Variants in GABBR2 observed in about 807,000 individuals in gnomAD.
GABBR2 encodes G-protein coupled receptor 51.
GABBR2 carries 23 observed loss-of-function variants against 105.6 expected under a neutral mutation model. The observed-to-expected ratio is 0.22, with a 90% CI of 0.16 to 0.31. The LOEUF (loss-of-function observed/expected upper bound fraction) is 0.31. Among genes scored for constraint, GABBR2 ranks in the 10% least tolerant of loss-of-function variants. GABBR2 has a pLI of 1.00. For synonymous variants in GABBR2, 478 were observed against 499.7 expected, an observed-to-expected ratio of 0.96 and a Z score of 0.58; for missense variants, 734 against 1,245.5, an observed-to-expected ratio of 0.59 and a Z score of 6.18.
intron 4 of GABBR2, among the ~76,000 whole-genome samples, chr9:98,484,262 C>T (rs1407961101): frequency 6.6e-6 from 1 of 152,218 alleles, no homozygotes; most frequent in South Asian, 2.1e-4. Context: ...GTTCAGTGCT[C>T]CCAGGCTGTT....
chr9:98,449,599 C>T lies in GABBR2; in HGVS notation c.1236+4382G>A, dbSNP rs1482743769. On this transcript the variant is annotated intron_variant, in intron 7 of 18. Transcript: ENST00000259455. ...GGGAACCTGCATTTTAAATGAAGCG[C>T]CCTGGAAGATTCTCATGCCTTTAGA... 2.0e-5 allele frequency among the ~76,000 whole-genome samples: 3 copies of T among 152,156 alleles called. No individual in the cohort carries two copies. In the East Asian group the frequency reaches 5.8e-4, roughly 29 times the overall value.
chr9:98,398,987 G>C (rs558567535), intron 8 of GABBR2, among the ~76,000 whole-genome samples: 1 of 152,158 alleles, frequency 6.6e-6, no homozygotes, highest in Non-Finnish European at 1.5e-5. Context: ...AGGGGACCCA[G>C]GTCATATGCA....
intron 6 of GABBR2, among the ~76,000 whole-genome samples, chr9:98,465,297 A>G (rs1564080169): frequency 6.6e-6 from 1 of 152,184 alleles, no homozygotes. Flanking sequence ...GGACTTTTCA[A>G]TAAATGATGT....
chr9:98,317,166 A>G (rs1193268048), intron 13 of GABBR2, among the ~76,000 whole-genome samples: 1 of 152,196 alleles, frequency 6.6e-6, no homozygotes, highest in African/African-American at 2.4e-5. Flanking sequence ...AGGCTGATAA[A>G]ATGCTCTTTC....
intron 1 of GABBR2, among the ~76,000 whole-genome samples, chr9:98,590,066 C>T (rs1198730711): frequency 1.3e-5 from 2 of 152,166 alleles, no homozygotes; most frequent in African/African-American, 4.8e-5. Context: ...CCCCCTTTGC[C>T]TATCAAAGAG....
chr9:98,323,205 C>T (rs1830856034), intron 13 of GABBR2, among the ~76,000 whole-genome samples: 1 of 152,214 alleles, frequency 6.6e-6, no homozygotes, highest in Admixed American at 6.5e-5. Flanking sequence ...CAACAGTGTG[C>T]CCTGGTCATG....
intron 2 of GABBR2, among the ~76,000 whole-genome samples, chr9:98,566,827 C>T (rs1461643392): frequency 2.4e-5 from 3 of 125,300 alleles, no homozygotes; most frequent in Non-Finnish European, 5.0e-5. Context: ...AAAAAGGCGA[C>T]AAAGAAAAAG....
At chr9:98,343,694 C>T (rs933302582) in intron 13 of GABBR2, among the ~76,000 whole-genome samples, 28 of 151,906 alleles carry the variant, frequency 1.8e-4, no homozygotes, top group East Asian at 7.8e-4. Context: ...CCCTTGTCTA[C>T]CAAAAATACA....
chr9:98,318,865 G>T (rs1830767608), intron 13 of GABBR2, among the ~76,000 whole-genome samples: 1 of 151,818 alleles, frequency 6.6e-6, no homozygotes, highest in South Asian at 2.1e-4. Context: ...CTGGGGGTGA[G>T]TGTAGGTGTG....
At chr9:98,464,208 C>T (rs1264911849) in intron 6 of GABBR2, among the ~76,000 whole-genome samples, 2 of 151,706 alleles carry the variant, frequency 1.3e-5, no homozygotes, top group Non-Finnish European at 2.9e-5. Flanking sequence ...TACCTGGCCA[C>T]CCATCATCTG....
intron 13 of GABBR2, among the ~76,000 whole-genome samples, chr9:98,332,588 G>A (rs1004274502): frequency 1.3e-5 from 2 of 152,194 alleles, no homozygotes; most frequent in Non-Finnish European, 2.9e-5. Context: ...TACAGATGCC[G>A]CACTGTTCCT....
intron 2 of GABBR2, among the ~76,000 whole-genome samples, chr9:98,558,106 A>G (rs929351125): frequency 2.6e-5 from 4 of 152,232 alleles, no homozygotes; most frequent in African/African-American, 9.6e-5. Context: ...GAGGGTAGCT[A>G]TCTTAAGAGA....
intron 3 of GABBR2, among the ~76,000 whole-genome samples, chr9:98,496,860 A>G (rs774903007): frequency 1.4e-4 from 22 of 152,330 alleles, no homozygotes; most frequent in Middle Eastern, 3.4e-3. Flanking sequence ...TGTCTTTGTT[A>G]ATATTTTGCA....
At chr9:98,448,268 C>G (rs1826170469) in intron 7 of GABBR2, among the ~76,000 whole-genome samples, 1 of 151,898 alleles carries the variant, frequency 6.6e-6, no homozygotes, top group Non-Finnish European at 1.5e-5. Flanking sequence ...GAGCCCTCTT[C>G]TCATAATCCG....
At position 98,454,752 on chromosome 9, in the gene GABBR2, T is replaced by C. The variant is rs1826295536; in HGVS notation, c.1000-535A>G. 6.6e-6 allele frequency among the ~76,000 whole-genome samples: 1 copy of C among 152,100 alleles called. No homozygotes were observed. Among genetic ancestry groups the C allele is most frequent in the Admixed American group, 6.5e-5 (1 of 15,274 alleles). ...ACAGAGGGAGCTGACAGTGTGCTGC[T>C]CAGCCCACCCCTCCCCTTCCCTTCC... On this transcript the variant is annotated intron_variant, in intron 6 of 18. Coordinates refer to ENST00000259455, the MANE Select transcript of GABBR2 (RefSeq NM_005458.8). The surrounding 1 kb of genome is among the most constrained non-coding windows in gnomAD (Gnocchi z 4.6).
At chr9:98,685,437 A>C (rs1830608457) in intron 1 of GABBR2, among the ~76,000 whole-genome samples, 1 of 152,168 alleles carries the variant, frequency 6.6e-6, no homozygotes, top group Non-Finnish European at 1.5e-5. Flanking sequence ...TCATATATAC[A>C]TCTATCCTAT....
At chr9:98,534,166 G>T (rs1363419467) in intron 3 of GABBR2, among the ~76,000 whole-genome samples, 1 of 152,236 alleles carries the variant, frequency 6.6e-6, no homozygotes, top group African/African-American at 2.4e-5. Flanking sequence ...GAAAGGGCAG[G>T]TGCTTTGAAG....
intron 1 of GABBR2, among the ~76,000 whole-genome samples, chr9:98,583,040 G>A (rs1829023531): frequency 6.6e-6 from 1 of 152,184 alleles, no homozygotes; most frequent in Non-Finnish European, 1.5e-5. Flanking sequence ...CAGCATTCTA[G>A]AAAAAAAGAC....
intron 2 of GABBR2, among the ~76,000 whole-genome samples, chr9:98,561,104 A>AT (rs1405649777): frequency 2.0e-5 from 3 of 151,934 alleles, no homozygotes; most frequent in Admixed American, 6.6e-5. Flanking sequence ...CATTTTTTTA[A>AT]TTTTTTGATT....
Sources: gnomAD v4.1 joint callset for allele counts (sites outside exome capture counted in the v4.1 genomes callset) on GRCh38, gnomAD v4.1.1 for gene constraint, Gnocchi (gnomAD v3.1) non-coding constraint, MANE v1.5 for transcripts, NCBI Gene and HGNC (gene_info 2026-07-23, HGNC 2026-07-21) for gene names.